Variants in SPAG16 observed in about 807,000 individuals in gnomAD.
SPAG16 encodes sperm associated antigen 16.
A neutral mutation model predicts 80.4 loss-of-function variants in SPAG16; 86 were observed. The ratio of observed to expected loss-of-function variants is 1.07; its 90% CI spans 0.90 to 1.28. SPAG16 has a LOEUF of 1.28. SPAG16 is among the 50% of genes most tolerant of loss of function. The pLI is 0.00. For missense variants in SPAG16, 870 were observed against 765.3 expected, an observed-to-expected ratio of 1.14 and a Z score of -1.61; for synonymous variants, 294 against 265.9, an observed-to-expected ratio of 1.11 and a Z score of -1.03.
chr2:213,295,955 C>G, intron 1 of SPAG16, 109 bp from the exon 2 acceptor site: 1 of 856,486 alleles, frequency 1.2e-6, no homozygotes, highest in Non-Finnish European at 1.9e-6. Context: ...TATTTACCAA[C>G]TTCCTGGTGA....
At chr2:213,342,316 G>T (rs183696658) in intron 6 of SPAG16, among the ~76,000 whole-genome samples, 1 of 123,866 alleles carries the variant, frequency 8.1e-6, no homozygotes, top group Non-Finnish European at 1.7e-5. Context: ...GTATATATAT[G>T]TTACATATAT....
chr2:214,378,955 C>CAGTT (rs1700290629), intron 15 of SPAG16, among the ~76,000 whole-genome samples: 1 of 152,160 alleles, frequency 6.6e-6, no homozygotes, highest in African/African-American at 2.4e-5. Flanking sequence ...CTTAGACTGG[C>CAGTT]AGTTAGACTG....
chr2:213,774,977 T>C (rs2069483122), intron 10 of SPAG16, among the ~76,000 whole-genome samples: 1 of 152,198 alleles, frequency 6.6e-6, no homozygotes. Context: ...TACCTGTGTC[T>C]CAGGTTGGAT....
chr2:213,830,467 C>A (rs1420202361), intron 10 of SPAG16, among the ~76,000 whole-genome samples: 1 of 152,056 alleles, frequency 6.6e-6, no homozygotes, highest in South Asian at 2.1e-4. Context: ...TAATTTCCCA[C>A]CTGATTTTTG....
chr2:213,921,064 G>C (rs967902087), intron 11 of SPAG16, among the ~76,000 whole-genome samples: 13 of 152,166 alleles, frequency 8.5e-5, no homozygotes, highest in Non-Finnish European at 1.5e-4. Flanking sequence ...CTCCTGTAGG[G>C]TTCCCAGCTT....
intron 10 of SPAG16, among the ~76,000 whole-genome samples, chr2:213,707,281 T>A (rs1470555259): frequency 6.6e-6 from 1 of 152,248 alleles, no homozygotes; most frequent in African/African-American, 2.4e-5. Context: ...CTGCCCCTCA[T>A]GAATCATGTT....
chr2:214,271,889 T>A (rs540369798), intron 15 of SPAG16, among the ~76,000 whole-genome samples: 154 of 129,286 alleles, frequency 1.2e-3, no homozygotes, highest in Middle Eastern at 9.5e-3. Context: ...ATAGCAGGAG[T>A]CTGTTTTTAT....
At chr2:213,672,859 G>GTTT (rs750046794) in intron 10 of SPAG16, among the ~76,000 whole-genome samples, 11 of 124,410 alleles carry the variant, frequency 8.8e-5, no homozygotes, top group South Asian at 2.6e-4. Flanking sequence ...TATTTTGTTT[G>GTTT]TTTTTTTTTT....
intron 15 of SPAG16, among the ~76,000 whole-genome samples, chr2:214,305,456 G>A (rs1324804546): frequency 6.6e-6 from 1 of 152,104 alleles, no homozygotes; most frequent in East Asian, 1.9e-4. Context: ...CTGTGCCTAT[G>A]TCCTTAATGG....
chr2:213,576,875 G>A (rs58087200), intron 10 of SPAG16, among the ~76,000 whole-genome samples: 13,169 of 152,064 alleles, frequency 0.087, 1,423 homozygotes, highest in African/African-American at 0.25. Flanking sequence ...AGGATCAGGA[G>A]AAATAACAAA....
chr2:213,713,336 A>G (rs1171760607), intron 10 of SPAG16, among the ~76,000 whole-genome samples: 3 of 152,098 alleles, frequency 2.0e-5, no homozygotes, highest in African/African-American at 4.8e-5. Context: ...CAAGAGAGAG[A>G]ACTGGGAGAA....
chr2:213,583,645 T>G (rs962698091), intron 10 of SPAG16, among the ~76,000 whole-genome samples: 1 of 152,204 alleles, frequency 6.6e-6, no homozygotes, highest in Non-Finnish European at 1.5e-5. Context: ...AACACCATTT[T>G]GTCTGAGGTT....
chr2:214,160,247 T>G (rs1335431554), intron 15 of SPAG16, among the ~76,000 whole-genome samples: 1 of 152,022 alleles, frequency 6.6e-6, no homozygotes, highest in Non-Finnish European at 1.5e-5. Flanking sequence ...CTCAATTAAA[T>G]TAATGGACTC....
intron 13 of SPAG16, among the ~76,000 whole-genome samples, chr2:214,041,424 G>A (rs745856327): frequency 3.4e-5 from 5 of 147,700 alleles, no homozygotes; most frequent in Non-Finnish European, 7.4e-5. Context: ...ACATTTTAAT[G>A]GTCTAGGTTG....
chr2:213,737,107 GTTC>G (rs1447125137), intron 10 of SPAG16, among the ~76,000 whole-genome samples: 3 of 151,970 alleles, frequency 2.0e-5, no homozygotes, highest in Non-Finnish European at 4.4e-5. Flanking sequence ...TAAGATGATG[GTTC>G]TTGATTTATT....
At chr2:214,060,365 G>A (rs1024760631) in intron 13 of SPAG16, among the ~76,000 whole-genome samples, 1 of 152,090 alleles carries the variant, frequency 6.6e-6, no homozygotes, top group Non-Finnish European at 1.5e-5. Flanking sequence ...TTTGAATAAT[G>A]TGACTATATA....
chr2:213,450,040 C>G (rs1022614089), intron 9 of SPAG16, among the ~76,000 whole-genome samples: 21 of 152,146 alleles, frequency 1.4e-4, no homozygotes, highest in African/African-American at 4.8e-4. Flanking sequence ...CATGGTGGCT[C>G]ACACCTGTAA....
intron 10 of SPAG16, among the ~76,000 whole-genome samples, chr2:213,652,459 T>A (rs865908590): frequency 6.6e-6 from 1 of 152,270 alleles, no homozygotes; most frequent in African/African-American, 2.4e-5. Context: ...CACATACACA[T>A]ACATGCACAA....
intron 10 of SPAG16, among the ~76,000 whole-genome samples, chr2:213,756,827 T>C (rs1263337833): frequency 6.6e-6 from 1 of 152,190 alleles, no homozygotes; most frequent in Admixed American, 6.5e-5. Flanking sequence ...ATGTAATAAC[T>C]GTTATATTCA....
Sources: allele counts gnomAD v4.1 joint callset (sites outside exome capture counted in the v4.1 genomes callset), GRCh38; gene constraint gnomAD v4.1.1; transcripts MANE v1.5; gene names NCBI Gene and HGNC (gene_info 2026-07-23, HGNC 2026-07-21).